The following ASTN1 variants were observed in gnomAD, a reference collection of about 807,000 sequenced individuals.
ASTN1 encodes the protein astrotactin-1.
Under a neutral mutation model 140.7 loss-of-function variants are expected in ASTN1, and 41 were observed. That is an observed-to-expected ratio of 0.29 (90% CI 0.23 to 0.38). The LOEUF (loss-of-function observed/expected upper bound fraction) is 0.38. ASTN1 is among the 10% of genes least tolerant of loss of function. ASTN1 has a pLI of 1.00. For missense variants in ASTN1, 1,479 were observed against 1,678.8 expected, an observed-to-expected ratio of 0.88 and a Z score of 2.08; for synonymous variants, 640 against 652.2, an observed-to-expected ratio of 0.98 and a Z score of 0.29.
intron 16 of ASTN1, among the ~76,000 whole-genome samples, chr1:176,899,407 A>G (rs1171196569): frequency 6.6e-6 from 1 of 152,184 alleles, no homozygotes; most frequent in Admixed American, 6.5e-5. Flanking sequence ...GAGGTGAATT[A>G]GTTGTTAGGA....
chr1:177,027,801 T>A (rs1676206029), intron 5 of ASTN1, among the ~76,000 whole-genome samples: 1 of 150,432 alleles, frequency 6.6e-6, no homozygotes, highest in African/African-American at 2.5e-5. Flanking sequence ...CTAGTTCTAA[T>A]TACTTTCTCC....
At position 177,030,793 on chromosome 1, in the gene ASTN1, C is replaced by G. The variant is rs762337799; in HGVS notation, c.1012+13G>C. The G allele has an allele frequency of 6.2e-7, 1 of 1,613,798 alleles. No individual in the cohort carries two copies. Among genetic ancestry groups the G allele is most frequent in the Admixed American group, 1.7e-5 (1 of 59,990 alleles). On this transcript the variant is annotated intron_variant, in intron 4 of 22. Transcript: ENST00000361833. ...GGAATCCACCCACGAGCCCTAATGT[C>G]AGACATGCATACCTCTTGCTTTGTT...
At chr1:177,130,829 C>T (rs950536685) in intron 1 of ASTN1, among the ~76,000 whole-genome samples, 1 of 152,192 alleles carries the variant, frequency 6.6e-6, no homozygotes, top group African/African-American at 2.4e-5. Context: ...GACAAGGTTA[C>T]CATTAGCTCC....
chr1:176,872,376 C>A lies in ASTN1; in HGVS notation c.3464-3349G>T, dbSNP rs544530508. 5.3e-5 allele frequency among the ~76,000 whole-genome samples: 8 copies of A among 152,132 alleles called. No homozygotes were observed. In the East Asian group the frequency reaches 7.7e-4, roughly 15 times the overall value. On this transcript the variant is annotated intron_variant, in intron 21 of 22. Transcript: ENST00000361833. ...TTACAGTCTGGTGGTAGGAGACAGT[C>A]AGGTCAGGTAAGCAATAAACATAGT...
rs77662259 is a variant in ASTN1 at position 176,910,868 on chromosome 1, A to G, written c.2672-16038T>C. On this transcript the variant is annotated intron_variant, in intron 16 of 22. Coordinates refer to ENST00000361833, the MANE Select transcript of ASTN1 (RefSeq NM_004319.3). The stretch of plus-strand genomic sequence containing the variant: ...TAGATTCTCATAGAAATGCAACTCT[A>G]TTGTGAACTGCACATGCAAGGGATC... Among the ~76,000 whole-genome samples, 756 of 152,310 alleles carry G rather than the reference A, an allele frequency of 5.0e-3. 1 individual carries two copies. The highest frequency in any genetic ancestry group is 8.2e-3 in the Non-Finnish European group (557 of 68,028).
chr1:176,895,142 T>C (rs1416511316), intron 16 of ASTN1, among the ~76,000 whole-genome samples: 1 of 152,212 alleles, frequency 6.6e-6, no homozygotes, highest in Admixed American at 6.5e-5. Context: ...ATAACAGTGA[T>C]TGTTCTATGA....
intron 9 of ASTN1, among the ~76,000 whole-genome samples, chr1:176,961,474 T>C (rs1371738732): frequency 6.6e-6 from 1 of 152,160 alleles, no homozygotes; most frequent in Admixed American, 6.5e-5. Flanking sequence ...CTCTGTAGCG[T>C]GGCCTCATTT....
rs558814140 is a variant in ASTN1, at chr1:177,025,502, G to A, written c.1121-770C>T. On this transcript the variant is annotated intron_variant, in intron 5 of 22. Coordinates refer to ENST00000361833, the MANE Select transcript of ASTN1 (RefSeq NM_004319.3). ...TTTTTTTTCCTGTTGGGGAGAAGAC[G>A]AAATGCCATTAAGCAGGGGAGCCTT... Among the ~76,000 whole-genome samples, 50 of 151,136 alleles carry A rather than the reference G, an allele frequency of 3.3e-4. No individual in the cohort carries two copies. The East Asian group carries it at 7.2e-3, about 22-fold the overall frequency.
At chr1:176,946,875 T>C (rs1671982159) in intron 12 of ASTN1, among the ~76,000 whole-genome samples, 1 of 152,228 alleles carries the variant, frequency 6.6e-6, no homozygotes, top group African/African-American at 2.4e-5. Context: ...TTTGTAGTTA[T>C]AGTGAGAAGA....
chr1:177,075,645 C>CTTTTTTTTTTTTTTTT (rs5778927), intron 1 of ASTN1, among the ~76,000 whole-genome samples: 16 of 99,546 alleles, frequency 1.6e-4, no homozygotes, highest in Admixed American at 2.4e-4. Context: ...CTTTTCTTTT[C>CTTTTTTTTTTTTTTTT]TTTTTTTTTT....
intron 14 of ASTN1, among the ~76,000 whole-genome samples, chr1:176,940,685 T>C (rs781782512): frequency 6.6e-6 from 1 of 152,244 alleles, no homozygotes; most frequent in Non-Finnish European, 1.5e-5. Flanking sequence ...GGTCTTTGTT[T>C]ATTTCCATAC....
At chr1:177,083,686 G>C (rs1679285033) in intron 1 of ASTN1, among the ~76,000 whole-genome samples, 2 of 152,114 alleles carry the variant, frequency 1.3e-5, no homozygotes, top group Non-Finnish European at 2.9e-5. Context: ...TCTTTTGTAA[G>C]GATAATGGAA....
intron 1 of ASTN1, among the ~76,000 whole-genome samples, chr1:177,143,224 G>A (rs1682553979): frequency 6.6e-6 from 1 of 152,162 alleles, no homozygotes. Context: ...CCCATTAACT[G>A]GATAATTTAC....
intron 21 of ASTN1, 81 bp from the exon 22 acceptor site, chr1:176,869,108 T>G: frequency 5.1e-5 from 49 of 957,660 alleles, no homozygotes; most frequent in Non-Finnish European, 6.6e-5. Flanking sequence ...ATATGATCTA[T>G]ATCATATAGA....
At chr1:176,881,898 A>C (rs1668814977) in intron 20 of ASTN1, among the ~76,000 whole-genome samples, 1 of 152,220 alleles carries the variant, frequency 6.6e-6, no homozygotes, top group African/African-American at 2.4e-5. Context: ...GACATGATTT[A>C]TTCTGGAAAC....
chr1:177,024,888 TTCTTCCTCACAGACACCATG>T (rs762064476), intron 5 of ASTN1, among the ~76,000 whole-genome samples, 156 bp from the exon 6 acceptor site: 2,998 of 152,232 alleles, frequency 0.02, 92 homozygotes, highest in African/African-American at 0.068. Flanking sequence ...CTCAGTGACC[TTCTTCCTCACAGACACCATG>T]CCATCAGTTG....
At chr1:176,901,578 C>T (rs1393897913) in intron 16 of ASTN1, among the ~76,000 whole-genome samples, 1 of 152,136 alleles carries the variant, frequency 6.6e-6, no homozygotes, top group Non-Finnish European at 1.5e-5. Flanking sequence ...CTCTCCATCA[C>T]CAGCAAAAAA....
chr1:177,117,101 C>G (rs1017715364), intron 1 of ASTN1, among the ~76,000 whole-genome samples: 2 of 152,098 alleles, frequency 1.3e-5, no homozygotes, highest in Non-Finnish European at 2.9e-5. Flanking sequence ...AAGCCATTAT[C>G]TCTCTCTCCT....
chr1:177,117,730 C>T (rs1000848353), intron 1 of ASTN1, among the ~76,000 whole-genome samples: 2 of 152,174 alleles, frequency 1.3e-5, no homozygotes, highest in African/African-American at 2.4e-5. Context: ...CACCATTTCC[C>T]AGATAACAAC....
Sources: gnomAD v4.1 joint callset for allele counts (sites outside exome capture counted in the v4.1 genomes callset) on GRCh38, gnomAD v4.1.1 for gene constraint, MANE v1.5 for transcripts, NCBI Gene and HGNC (gene_info 2026-07-23, HGNC 2026-07-21) for gene names.